Variants in TTC28 observed in about 807,000 individuals in gnomAD.
TTC28 encodes the protein tetratricopeptide repeat domain 28, also known as tetratricopeptide repeat protein 28.
In TTC28, 61 loss-of-function variants were observed where a neutral mutation model predicts 198.0. That is an observed-to-expected ratio of 0.31 (90% confidence interval 0.25 to 0.38). The LOEUF (loss-of-function observed/expected upper bound fraction) is 0.38. Among genes scored for constraint, TTC28 ranks in the 10% least tolerant of loss-of-function variants. The probability of loss-of-function intolerance (pLI) is 1.00; values close to 1 mark genes in which losing one functional copy is unlikely to be tolerated. For missense variants in TTC28, 2,678 were observed against 3,164.0 expected (o/e 0.85, Z 3.69); for synonymous variants, 1,171 against 1,297.8 (o/e 0.90, Z 2.10).
intron 2 of TTC28, among the ~76,000 whole-genome samples, chr22:28,581,549 G>T (rs2050234305): frequency 6.6e-6 from 1 of 152,170 alleles, no homozygotes; most frequent in Non-Finnish European, 1.5e-5. Context: ...ATTATCATGA[G>T]TAAATGTCAA....
chr22:28,635,632 A>C (rs2224338), intron 1 of TTC28, among the ~76,000 whole-genome samples: 2 of 152,220 alleles, frequency 1.3e-5, no homozygotes, highest in African/African-American at 2.4e-5. Context: ...ATACATAGTA[A>C]AATTCCAGTC....
chr22:28,257,780 A>ATATATATATATATC (rs1241022504), intron 5 of TTC28, among the ~76,000 whole-genome samples: 1 of 128,132 alleles, frequency 7.8e-6, no homozygotes, highest in Non-Finnish European at 1.7e-5. Context: ...ATATATATAT[A>ATATATATATATATC]TCTTCTACTT....
intron 2 of TTC28, among the ~76,000 whole-genome samples, chr22:28,602,236 G>A (rs1435999332): frequency 6.6e-6 from 1 of 152,174 alleles, no homozygotes; most frequent in Non-Finnish European, 1.5e-5. Context: ...TAAGTTGCCT[G>A]TAATGTGGGC....
intron 12 of TTC28, among the ~76,000 whole-genome samples, chr22:28,085,223 G>T (rs1049491322): frequency 6.6e-6 from 1 of 151,892 alleles, no homozygotes; most frequent in Non-Finnish European, 1.5e-5. Context: ...ATTCACCAAA[G>T]TTGAAATGAA....
chr22:28,436,561 GCC>G (rs1392221043), intron 2 of TTC28, among the ~76,000 whole-genome samples: 1 of 152,182 alleles, frequency 6.6e-6, no homozygotes, highest in African/African-American at 2.4e-5. Flanking sequence ...TGAGGAGAAG[GCC>G]CTCTAGAAAG....
intron 2 of TTC28, among the ~76,000 whole-genome samples, chr22:28,338,175 C>G (rs2045764291): frequency 6.6e-6 from 1 of 152,186 alleles, no homozygotes; most frequent in South Asian, 2.1e-4. Context: ...GGCCCCCACT[C>G]TCTTCTGGCT....
intron 17 of TTC28, 83 bp downstream of exon 17, chr22:27,996,052 C>A: frequency 1.3e-6 from 2 of 1,484,994 alleles, no homozygotes; most frequent in Non-Finnish European, 1.8e-6. Context: ...CTGCTCACAT[C>A]CCCGTGTAGG....
intron 1 of TTC28, among the ~76,000 whole-genome samples, chr22:28,634,492 C>T (rs374824631): frequency 4.6e-5 from 6 of 130,256 alleles, no homozygotes; most frequent in Non-Finnish European, 9.3e-5. Context: ...GGCGACTAAG[C>T]GAGACTCCAT....
chr22:28,274,900 A>T (rs1440346914), intron 5 of TTC28, among the ~76,000 whole-genome samples: 1 of 148,742 alleles, frequency 6.7e-6, no homozygotes, highest in African/African-American at 2.4e-5. Context: ...AATCACTTGA[A>T]CCCAGAAGGT....
chr22:28,411,017 A>AAAAAAATG (rs2047072861), intron 2 of TTC28, among the ~76,000 whole-genome samples: 1 of 151,978 alleles, frequency 6.6e-6, no homozygotes, highest in African/African-American at 2.4e-5. Flanking sequence ...TTTGAAAATG[A>AAAAAAATG]AAAAAAGACT....
intron 8 of TTC28, among the ~76,000 whole-genome samples, 190 bp downstream of exon 8, chr22:28,105,089 T>C (rs552641295): frequency 5.5e-4 from 83 of 152,178 alleles, no homozygotes; most frequent in African/African-American, 1.9e-3. Flanking sequence ...TGAAACACCT[T>C]AGTACTATCA....
chr22:28,269,276 C>T (rs1296741752), intron 5 of TTC28, among the ~76,000 whole-genome samples: 1 of 152,020 alleles, frequency 6.6e-6, no homozygotes, highest in African/African-American at 2.4e-5. Flanking sequence ...GATTCAAATG[C>T]GATGTCAAAG....
chr22:28,367,967 C>T (rs1253414476), intron 2 of TTC28, among the ~76,000 whole-genome samples: 1 of 151,994 alleles, frequency 6.6e-6, no homozygotes, highest in African/African-American at 2.4e-5. Context: ...GGCTTCACTG[C>T]TTAATTCTAA....
chr22:28,540,579 C>A (rs188155104), intron 2 of TTC28, among the ~76,000 whole-genome samples: 1 of 152,220 alleles, frequency 6.6e-6, no homozygotes, highest in East Asian at 1.9e-4. Flanking sequence ...ACTATAAAAT[C>A]TAATACTTTA....
intron 21 of TTC28, among the ~76,000 whole-genome samples, chr22:27,989,590 G>A (rs765201037): frequency 6.6e-6 from 1 of 152,042 alleles, no homozygotes; most frequent in Non-Finnish European, 1.5e-5. Context: ...GAGACTACAG[G>A]CATGCACCAC....
At chr22:28,505,878 C>T (rs1183045301) in intron 2 of TTC28, among the ~76,000 whole-genome samples, 1 of 152,222 alleles carries the variant, frequency 6.6e-6, no homozygotes, top group African/African-American at 2.4e-5. Flanking sequence ...TGGAGTCGGC[C>T]TGAGTTGGAA....
chr22:28,643,952 G>C (rs1379036374), intron 1 of TTC28, among the ~76,000 whole-genome samples: 1 of 152,144 alleles, frequency 6.6e-6, no homozygotes, highest in Non-Finnish European at 1.5e-5. Context: ...GGCACAAAAA[G>C]GTTAAATAAC....
At chr22:28,286,003 A>T (rs1049270229) in intron 5 of TTC28, among the ~76,000 whole-genome samples, 76 of 145,630 alleles carry the variant, frequency 5.2e-4, no homozygotes, top group African/African-American at 1.6e-3. Flanking sequence ...AAGATTATTA[A>T]TTTTTTTTTT....
At chr22:28,040,113 A>C (rs1055312228) in intron 12 of TTC28, among the ~76,000 whole-genome samples, 1 of 152,214 alleles carries the variant, frequency 6.6e-6, no homozygotes, top group Non-Finnish European at 1.5e-5. Context: ...CCAAACAAAA[A>C]AAGTCCAGGA....
Sources: allele counts gnomAD v4.1 joint callset (sites outside exome capture counted in the v4.1 genomes callset), GRCh38; gene constraint gnomAD v4.1.1; transcripts MANE v1.5; gene names NCBI Gene and HGNC (gene_info 2026-07-23, HGNC 2026-07-21).